Variants in AK7 observed in about 807,000 individuals in gnomAD.
The protein encoded by AK7 is ATP-AMP transphosphorylase 7.
AK7 carries 78 observed loss-of-function variants against 96.6 expected under a neutral mutation model. The ratio of observed to expected loss-of-function variants is 0.81; its 90% CI spans 0.67 to 0.97. The LOEUF (loss-of-function observed/expected upper bound fraction) is 0.97. AK7 is among the 50% of genes least tolerant of loss of function. The pLI, the probability that AK7 is intolerant of heterozygous loss-of-function variation, is 0.00. For missense variants in AK7, 855 were observed against 887.9 expected, an observed-to-expected ratio of 0.96 and a Z score of 0.47; for synonymous variants, 302 against 317.2, an observed-to-expected ratio of 0.95 and a Z score of 0.51.
chr14:96,457,960 G>A, intron 11 of AK7, 123 bp from the exon 12 acceptor site: 1 of 1,367,770 alleles, frequency 7.3e-7, no homozygotes, highest in African/African-American at 1.5e-5. Flanking sequence ...TTGCATGACA[G>A]CTGTCATAGG....
intron 6 of AK7, among the ~76,000 whole-genome samples, chr14:96,441,616 CT>C (rs1443905317): frequency 1.8e-4 from 23 of 125,554 alleles, no homozygotes; most frequent in African/African-American, 7.2e-4. Flanking sequence ...TCCATCCAGC[CT>C]GGGTGACACA....
Position 96,392,161 on chromosome 14 carries a change from G to A in AK7, c.7G>A (p.Glu3Lys), listed in dbSNP as rs563271490. 2.4e-5 allele frequency: 38 copies of A among 1,612,928 alleles called. No individual in the cohort carries two copies. Among genetic ancestry groups the A allele is most frequent in the Non-Finnish European group, 3.1e-5 (37 of 1,179,008 alleles). MA[E>K]EEETAALTEK... ...AACCAGCGCGGCTCCCACCATGGCT[G>A]AAGAAGAGGAAACTGCTGCTCTCAC... Residue 3 changes from glutamate (E) to lysine (K), a missense_variant, in exon 1 of 18, where the codon GAA becomes AAA. By Grantham distance (56) the Glu-to-Lys change is moderately conservative (BLOSUM62 1). Coordinates refer to ENST00000267584, the MANE Select transcript of AK7 (RefSeq NM_152327.5).
At chr14:96,423,794 C>CG (rs2140047860) in intron 5 of AK7, 2 of 748,000 alleles carry the variant, frequency 2.7e-6, no homozygotes, top group Non-Finnish European at 5.0e-6. Context: ...GTACTTTTTA[C>CG]GGGGGGACGC....
chr14:96,432,202 C>CTT lies in AK7; in HGVS notation c.610-5614_610-5613dup, dbSNP rs71103525. On this transcript the variant is annotated intron_variant, in intron 5 of 17. Transcript: ENST00000267584. Reference sequence around the variant, plus strand: ...TCTCTCCCCAGGATTGCAACCCCTGCTTTTTTTTTTTTTTTTTTTTGCTTT... The same window carrying CTT: ...TCTCTCCCCAGGATTGCAACCCCTGCTTTTTTTTTTTTTTTTTTTTTTGCTTT... 7.2e-3 allele frequency among the ~76,000 whole-genome samples: 724 copies of CTT among 101,166 alleles called. 24 individuals carry two copies. The highest frequency in any genetic ancestry group is 0.01 in the Admixed American group (84 of 8,154). The allele number at this position is 101,166 out of a possible 152,430, so 66.4% of individuals were successfully genotyped here. A position where few individuals can be genotyped will look rare whatever the true frequency, so the allele number is the denominator to read the frequency against.
At chr14:96,397,983 A>T in intron 1 of AK7, 92 bp from the exon 2 acceptor site, 12 of 1,337,116 alleles carry the variant, frequency 9.0e-6, no homozygotes, top group Non-Finnish European at 1.2e-5. Flanking sequence ...CCCAGCAAGC[A>T]CTCGGGAAAG....
chr14:96,407,476 C>T (rs1890774111), intron 3 of AK7, among the ~76,000 whole-genome samples: 1 of 151,990 alleles, frequency 6.6e-6, no homozygotes, highest in African/African-American at 2.4e-5. Context: ...TAGGGAATCA[C>T]CTCATGATAC....
At chr14:96,459,888 A>G (rs1894160256) in intron 12 of AK7, among the ~76,000 whole-genome samples, 1 of 152,222 alleles carries the variant, frequency 6.6e-6, no homozygotes, top group South Asian at 2.1e-4. Context: ...AAAAAAAAGA[A>G]AGAAAAGAAA....
At chr14:96,421,949 G>A (rs1891727462) in intron 5 of AK7, among the ~76,000 whole-genome samples, 1 of 152,164 alleles carries the variant, frequency 6.6e-6, no homozygotes, top group African/African-American at 2.4e-5. Context: ...AGCCCGCAAT[G>A]CAAAGGGGCT....
chr14:96,396,565 C>G (rs1016559872), intron 1 of AK7, among the ~76,000 whole-genome samples: 5 of 152,114 alleles, frequency 3.3e-5, no homozygotes, highest in Non-Finnish European at 5.9e-5. Flanking sequence ...TGCATGCTAA[C>G]CTGGACTGTT....
intron 9 of AK7, 132 bp downstream of exon 9, chr14:96,450,011 G>A: frequency 1.5e-6 from 1 of 668,458 alleles, no homozygotes; most frequent in Non-Finnish European, 2.5e-6. Flanking sequence ...CAGAAGGCCT[G>A]GGTTCCAATG....
chr14:96,442,156 G>A (rs1892993765), intron 6 of AK7, among the ~76,000 whole-genome samples: 1 of 152,158 alleles, frequency 6.6e-6, no homozygotes, highest in South Asian at 2.1e-4. Context: ...TACTTAATGA[G>A]AAGAAAAGAT....
At chr14:96,435,713 C>A (rs1487954473) in intron 5 of AK7, among the ~76,000 whole-genome samples, 1 of 152,144 alleles carries the variant, frequency 6.6e-6, no homozygotes, top group East Asian at 1.9e-4. Context: ...TAAATTACGA[C>A]CGCTGATACC....
rs1306066403 is a variant in AK7, at chr14:96,424,133, G to A, written c.609+3201G>A. The A allele has an allele frequency of 1.9e-5, 12 of 639,388 alleles. No individual in the cohort carries two copies. The Admixed American group carries it at 2.5e-4, about 14-fold the overall frequency. 39.6% of individuals were successfully genotyped at this position (639,388 alleles called of 1,614,324 possible). A position where few individuals can be genotyped will look rare whatever the true frequency, so the allele number is the denominator to read the frequency against. On this transcript the variant is annotated intron_variant, in intron 5 of 17. Coordinates refer to ENST00000267584, the MANE Select transcript of AK7 (RefSeq NM_152327.5). ...CGCTCGTCCACCGCCACCCCGTGCA[G>A]GTGACATGCAGCGGGTGCTGCGGCT...
rs1160675496 is a variant in AK7, at chr14:96,488,431, A to T, written c.*88A>T. 2.4e-6 allele frequency: 3 copies of T among 1,230,178 alleles called. No individual in the cohort carries two copies. Among genetic ancestry groups the T allele is most frequent in the Admixed American group, 2.3e-5 (1 of 43,290 alleles). 76.2% of individuals were successfully genotyped at this position (1,230,178 alleles called of 1,614,324 possible). On this transcript the variant is annotated 3_prime_UTR_variant, in exon 18 of 18. Transcript: ENST00000267584. Reference sequence around the variant, plus strand: ...AAATTGCTTTGAAAAATGCTTTTCCAGTTCTTAGAAAATTCTTTTTTTGTA... The same window carrying T: ...AAATTGCTTTGAAAAATGCTTTTCCTGTTCTTAGAAAATTCTTTTTTTGTA...
chr14:96,479,218 A>G (rs1430511916), intron 15 of AK7, among the ~76,000 whole-genome samples: 1 of 151,912 alleles, frequency 6.6e-6, no homozygotes, highest in Non-Finnish European at 1.5e-5. Flanking sequence ...CTGGGACTAC[A>G]GGTGCACACC....
At chr14:96,411,039 GTTAACCT>G (rs1260126805) in intron 4 of AK7, among the ~76,000 whole-genome samples, 2 of 152,034 alleles carry the variant, frequency 1.3e-5, no homozygotes, top group African/African-American at 4.8e-5. Flanking sequence ...ATACGGTTAA[GTTAACCT>G]TTTATAGTCC....
At chr14:96,420,542 T>TAAA (rs1206818372) in intron 4 of AK7, among the ~76,000 whole-genome samples, 10 of 150,248 alleles carry the variant, frequency 6.7e-5, no homozygotes, top group African/African-American at 2.2e-4. Flanking sequence ...TGAAATGAAA[T>TAAA]ATAATAAAAT....
At chr14:96,458,631 A>C (rs1894073203) in intron 12 of AK7, among the ~76,000 whole-genome samples, 1 of 151,720 alleles carries the variant, frequency 6.6e-6, no homozygotes, top group African/African-American at 2.4e-5. Flanking sequence ...AGTCCCAGCT[A>C]CTCAGGAGGC....
chr14:96,422,785 G>A (rs932056309), intron 5 of AK7, among the ~76,000 whole-genome samples: 1 of 152,096 alleles, frequency 6.6e-6, no homozygotes, highest in South Asian at 2.1e-4. Flanking sequence ...TCAGGGGGTC[G>A]CCCTATAGCA....
Sources: gnomAD v4.1 joint callset for allele counts (sites outside exome capture counted in the v4.1 genomes callset) on GRCh38, gnomAD v4.1.1 for gene constraint, MANE v1.5 for transcripts, NCBI Gene and HGNC (gene_info 2026-07-23, HGNC 2026-07-21) for gene names.